Variants in BMAL1 observed in about 807,000 individuals in gnomAD.
BMAL1 encodes the protein basic helix-loop-helix ARNT-like protein 1.
the BMAL1 span, chr11:13,356,411 A>G: frequency 1.1e-5 from 6 of 546,626 alleles, no homozygotes; most frequent in Non-Finnish European, 2.1e-5. Context: ...AGATATTTCA[A>G]TCCTATGGTT....
chr11:13,378,726 C>CT, the BMAL1 span: 1 of 393,432 alleles, frequency 2.5e-6, no homozygotes. Flanking sequence ...AATAAAGAAG[C>CT]TAAACCAAAA....
At chr11:13,291,058 T>C in the BMAL1 span, among the ~76,000 whole-genome samples, 1 of 152,142 alleles carries the variant, frequency 6.6e-6, no homozygotes, top group Non-Finnish European at 1.5e-5. Flanking sequence ...AGCTAGTGCA[T>C]GTGGGTGAAT....
chr11:13,308,620 C>A, the BMAL1 span, among the ~76,000 whole-genome samples: 59 of 152,210 alleles, frequency 3.9e-4, no homozygotes, highest in Admixed American at 1.8e-3. Context: ...TGAGACTTTA[C>A]CAATGGATGT....
At chr11:13,376,517 CAGA>C in the BMAL1 span, 1 of 908,302 alleles carries the variant, frequency 1.1e-6, no homozygotes, top group Non-Finnish European at 1.8e-6. Context: ...CCCACTCAGA[CAGA>C]CACTTCATTT....
At chr11:13,327,068 C>G in the BMAL1 span, among the ~76,000 whole-genome samples, 4 of 151,832 alleles carry the variant, frequency 2.6e-5, no homozygotes, top group East Asian at 2.0e-4. Context: ...GATCCACCCC[C>G]CTCAGCCTCC....
At chr11:13,337,703 A>G in the BMAL1 span, among the ~76,000 whole-genome samples, 2 of 152,200 alleles carry the variant, frequency 1.3e-5, no homozygotes, top group Non-Finnish European at 1.5e-5. Context: ...ATGTTTTTGT[A>G]TACTTACTGG....
chr11:13,377,239 C>G, the BMAL1 span, among the ~76,000 whole-genome samples: 1 of 152,172 alleles, frequency 6.6e-6, no homozygotes, highest in Admixed American at 6.5e-5. Context: ...ACATCCACAT[C>G]TCCTGGCCCA....
At chr11:13,344,615 A>T in the BMAL1 span, among the ~76,000 whole-genome samples, 1 of 152,220 alleles carries the variant, frequency 6.6e-6, no homozygotes, top group Admixed American at 6.5e-5. Context: ...GGTTCAGGGC[A>T]TCTGCTGTCA....
the BMAL1 span, among the ~76,000 whole-genome samples, chr11:13,370,371 T>C: frequency 6.6e-6 from 1 of 152,182 alleles, no homozygotes; most frequent in South Asian, 2.1e-4. Context: ...GACTTGTCTT[T>C]TGAACTCCAG....
the BMAL1 span, chr11:13,376,811 T>C: frequency 2.3e-6 from 3 of 1,284,480 alleles, no homozygotes; most frequent in Non-Finnish European, 3.2e-6. Flanking sequence ...GTATTCAGGG[T>C]CCCCTCCATT....
the BMAL1 span, among the ~76,000 whole-genome samples, chr11:13,371,843 T>A: frequency 6.6e-6 from 1 of 152,196 alleles, no homozygotes; most frequent in Non-Finnish European, 1.5e-5. Flanking sequence ...CCTCAGCCAC[T>A]GCTCATCCTT....
chr11:13,383,725 C>T, the BMAL1 span, among the ~76,000 whole-genome samples: 1 of 152,056 alleles, frequency 6.6e-6, no homozygotes, highest in Non-Finnish European at 1.5e-5. Context: ...TGGTGGTGTA[C>T]CTGTAATCCC....
At chr11:13,335,753 TGCAA>T in the BMAL1 span, among the ~76,000 whole-genome samples, 1 of 152,254 alleles carries the variant, frequency 6.6e-6, no homozygotes, top group South Asian at 2.1e-4. Flanking sequence ...TATGAATAGG[TGCAA>T]GCATTTCATA....
chr11:13,360,109 C>T, the BMAL1 span, among the ~76,000 whole-genome samples: 1 of 152,200 alleles, frequency 6.6e-6, no homozygotes, highest in Non-Finnish European at 1.5e-5. Context: ...ATGAGAAAAA[C>T]AGGCTTGTTA....
chr11:13,289,551 G>A, the BMAL1 span, among the ~76,000 whole-genome samples: 1 of 152,046 alleles, frequency 6.6e-6, no homozygotes, highest in Admixed American at 6.5e-5. Context: ...GCCCCTGACA[G>A]GCCCCGGAGT....
At chr11:13,286,329 G>T in the BMAL1 span, among the ~76,000 whole-genome samples, 2 of 152,176 alleles carry the variant, frequency 1.3e-5, no homozygotes, top group Admixed American at 6.5e-5. Context: ...ATACCTTTAA[G>T]ATTTGGTTGC....
chr11:13,363,915 G>A, the BMAL1 span, among the ~76,000 whole-genome samples: 1 of 152,176 alleles, frequency 6.6e-6, no homozygotes, highest in Non-Finnish European at 1.5e-5. Context: ...GAGTTGGAAT[G>A]TCCAGAGCCT....
At chr11:13,370,712 T>C in the BMAL1 span, among the ~76,000 whole-genome samples, 1 of 152,186 alleles carries the variant, frequency 6.6e-6, no homozygotes, top group Admixed American at 6.5e-5. Flanking sequence ...TAGACCCACA[T>C]GCTCCCCACC....
At chr11:13,346,407 G>T in the BMAL1 span, among the ~76,000 whole-genome samples, 3 of 152,300 alleles carry the variant, frequency 2.0e-5, no homozygotes, top group East Asian at 3.9e-4. Flanking sequence ...TGAACTGGGG[G>T]TCTTGGATGT....
Sources: gnomAD v4.1 joint callset for allele counts (sites outside exome capture counted in the v4.1 genomes callset) on GRCh38, gnomAD v4.1.1 for gene constraint, MANE v1.5 for transcripts, NCBI Gene and HGNC (gene_info 2026-07-23, HGNC 2026-07-21) for gene names.